Variants in PPEF1 observed in about 807,000 individuals in gnomAD.
PPEF1 encodes the protein protein phosphatase with EF-hand domain 1.
In PPEF1, 12 loss-of-function variants were observed where a neutral mutation model predicts 53.3. That is an observed-to-expected ratio of 0.23 (90% CI 0.14 to 0.36). PPEF1 has a LOEUF of 0.36. Ranked by LOEUF, PPEF1 falls within the 10% of genes least tolerant of loss-of-function variation. The probability of loss-of-function intolerance (pLI) is 1.00; values close to 1 mark genes in which losing one functional copy is unlikely to be tolerated. For missense variants in PPEF1, 334 were observed against 490.4 expected (o/e 0.68, Z 3.01); for synonymous variants, 165 against 176.7 (o/e 0.93, Z 0.52).
exon 1 of PPEF1, chrX:18,676,043 G>C (rs753148521): frequency 9.3e-6 from 1 of 107,567 alleles, no homozygotes; most frequent in East Asian, 3.0e-4. Flanking sequence ...TGCTGAGGTC[G>C]GTAGGTTGAT....
chrX:18,797,665 G>A (rs182358352), intron 10 of PPEF1, among the ~76,000 whole-genome samples: 40 of 110,825 alleles, frequency 3.6e-4, no homozygotes, highest in Admixed American at 3.4e-3. Context: ...ACAGTAATGA[G>A]TAAATGATAT....
chrX:18,797,442 GAGAC>G, intron 10 of PPEF1, among the ~76,000 whole-genome samples: 1 of 111,309 alleles, frequency 9.0e-6, no homozygotes, highest in South Asian at 3.8e-4. Flanking sequence ...GACTTACAAA[GAGAC>G]AGAGGCCAGA....
At chrX:18,738,329 A>G (rs1217308636) in intron 3 of PPEF1, among the ~76,000 whole-genome samples, 4 of 111,658 alleles carry the variant, frequency 3.6e-5, no homozygotes, top group Non-Finnish European at 7.5e-5. Context: ...GGTGGTGACA[A>G]AATCTCTCAG....
chrX:18,797,341 T>G (rs2046452094), intron 10 of PPEF1, among the ~76,000 whole-genome samples: 1 of 112,311 alleles, frequency 8.9e-6, no homozygotes, highest in South Asian at 3.7e-4. Flanking sequence ...TGCTATAGTT[T>G]AAATTTTCCC....
intron 4 of PPEF1, among the ~76,000 whole-genome samples, chrX:18,695,516 C>T (rs1055712634): frequency 4.5e-5 from 5 of 111,988 alleles, no homozygotes; most frequent in Admixed American, 3.8e-4. Flanking sequence ...CCACAGTCCT[C>T]AAATAGCTGT....
chrX:18,744,692 A>G (rs759556023), intron 3 of PPEF1, among the ~76,000 whole-genome samples: 6 of 109,889 alleles, frequency 5.5e-5, no homozygotes, highest in Non-Finnish European at 9.6e-5. Flanking sequence ...TTTCCCCATT[A>G]TATCTTCCAT....
intron 12 of PPEF1, among the ~76,000 whole-genome samples, chrX:18,817,679 A>T (rs2046949899): frequency 9.0e-6 from 1 of 111,012 alleles, no homozygotes; most frequent in Non-Finnish European, 1.9e-5. Context: ...CTCATGTATC[A>T]GTCTTCTCTT....
Position 18,806,384 on chromosome X carries a change from CCT to C in PPEF1, c.1252-16_1252-15del. ...AGAACTAATGTTACGTGAACCTGAC[CCT>C]CTTTTTCTTTAACCAGGTGGTGACT... On this transcript the variant is annotated splice_polypyrimidine_tract_variant and intron_variant, in intron 11 of 15. Coordinates refer to ENST00000470157, the MANE Select transcript of PPEF1 (RefSeq NM_001377996.1). 8.4e-7 allele frequency: 1 copy of C among 1,191,313 alleles called. No individual in the cohort carries two copies. The highest frequency in any genetic ancestry group is 3.0e-5 in the East Asian group (1 of 33,588).
chrX:18,729,244 G>A (rs1351311642), intron 1 of PPEF1, among the ~76,000 whole-genome samples: 1 of 111,797 alleles, frequency 8.9e-6, no homozygotes, highest in African/African-American at 3.3e-5. Flanking sequence ...CGAATCTCAG[G>A]TGCAGAAGGT....
Position 18,752,640 on chromosome X carries a change from A to G in PPEF1, c.396+2688A>G, listed in dbSNP as rs1050657232. ...ATGTTAGTTGTAGGTTTTTCATAAA[A>G]GTCTTTTATCATGTTGAGGAAATTT... is the stretch of plus-strand genomic sequence containing the variant. On this transcript the variant is annotated intron_variant, in intron 4 of 15. Coordinates refer to ENST00000470157, the MANE Select transcript of PPEF1 (RefSeq NM_001377996.1). Among the ~76,000 whole-genome samples, 4 of 110,125 alleles carry G rather than the reference A, an allele frequency of 3.6e-5. No homozygotes were observed. The Admixed American group carries it at 3.9e-4, about 11-fold the overall frequency.
chrX:18,726,297 G>T (rs1427898704), intron 1 of PPEF1, among the ~76,000 whole-genome samples: 2 of 110,505 alleles, frequency 1.8e-5, no homozygotes, highest in African/African-American at 6.6e-5. Context: ...AGGTTGCAGT[G>T]AGCCGAGATC....
At chrX:18,675,419 G>A (rs1023777699), upstream of PPEF1, among the ~76,000 whole-genome samples, 5 of 113,624 alleles carry the variant, frequency 4.4e-5, no homozygotes, top group African/African-American at 9.5e-5. Flanking sequence ...TTGCGGCGGC[G>A]TGGAAGGCTT....
chrX:18,689,175 G>A, intron 3 of PPEF1, among the ~76,000 whole-genome samples: 1 of 110,412 alleles, frequency 9.1e-6, no homozygotes, highest in Non-Finnish European at 1.9e-5. Context: ...CAATGGTTGG[G>A]CGGGGATTAA....
At chrX:18,796,217 A>G (rs1458938960) in intron 10 of PPEF1, among the ~76,000 whole-genome samples, 2 of 112,212 alleles carry the variant, frequency 1.8e-5, no homozygotes, top group African/African-American at 6.5e-5. Flanking sequence ...TGGCATCCCA[A>G]AGTGCTGGGA....
upstream of PPEF1, among the ~76,000 whole-genome samples, chrX:18,682,717 C>T (rs113468477): frequency 4.5e-5 from 5 of 112,033 alleles, no homozygotes; most frequent in East Asian, 2.8e-4. Flanking sequence ...AATGGATGAG[C>T]GTTGGCACAG....
chrX:18,750,410 A>C (rs1245330380), intron 4 of PPEF1, among the ~76,000 whole-genome samples: 1 of 112,278 alleles, frequency 8.9e-6, no homozygotes, highest in African/African-American at 3.2e-5. Context: ...GAAATCATCA[A>C]ATATATGGCC....
chrX:18,730,107 C>T, intron 1 of PPEF1, 74 bp from the exon 2 acceptor site: 1 of 1,047,238 alleles, frequency 9.5e-7, no homozygotes, highest in Non-Finnish European at 1.3e-6. Flanking sequence ...TTTTTTTCCA[C>T]TGAAGCACCT....
intron 3 of PPEF1, among the ~76,000 whole-genome samples, chrX:18,737,339 G>A (rs765329448): frequency 1.1e-4 from 12 of 111,742 alleles, no homozygotes; most frequent in Admixed American, 8.6e-4. Flanking sequence ...TGTTCTCATT[G>A]GTTTCAAAGA....
chrX:18,793,783 GC>G (rs2046370391), intron 10 of PPEF1, among the ~76,000 whole-genome samples: 1 of 102,828 alleles, frequency 9.7e-6, no homozygotes, highest in African/African-American at 3.6e-5. Context: ...TTATTCCCAT[GC>G]CCCTCTGGGG....
Sources: gnomAD v4.1 joint callset for allele counts (sites outside exome capture counted in the v4.1 genomes callset) on GRCh38, gnomAD v4.1.1 for gene constraint, MANE v1.5 for transcripts, NCBI Gene and HGNC (gene_info 2026-07-23, HGNC 2026-07-21) for gene names.